Variants in RFX3 observed in about 807,000 individuals in gnomAD.
RFX3 encodes regulatory factor X3.
Under a neutral mutation model 98.6 loss-of-function variants are expected in RFX3, and 14 were observed. That is an observed-to-expected ratio of 0.14 (90% CI 0.09 to 0.22). RFX3 has a LOEUF of 0.22. RFX3 is among the 10% of genes least tolerant of loss of function. The pLI is 1.00. For synonymous variants in RFX3, 383 were observed against 328.4 expected (o/e 1.17, Z -1.80); for missense variants, 639 against 926.9 (o/e 0.69, Z 4.03).
chr9:3,343,831 C>T, intron 3 of RFX3, among the ~76,000 whole-genome samples: 1 of 152,228 alleles, frequency 6.6e-6, no homozygotes, highest in East Asian at 1.9e-4. Context: ...TCCACACAGA[C>T]CAGATCAAAG....
intron 1 of RFX3, among the ~76,000 whole-genome samples, chr9:3,519,059 A>T (rs1441823068): frequency 1.3e-5 from 2 of 152,208 alleles, no homozygotes; most frequent in Admixed American, 6.5e-5. Context: ...ACTGTTTTCA[A>T]ATAATTCATG....
intron 1 of RFX3, among the ~76,000 whole-genome samples, chr9:3,442,306 A>G (rs959437608): frequency 2.0e-5 from 3 of 152,128 alleles, no homozygotes; most frequent in Admixed American, 6.5e-5. Context: ...TATTGATACC[A>G]TATGATGTGA....
chr9:3,289,466 A>C (rs1199454750), intron 6 of RFX3, among the ~76,000 whole-genome samples: 1 of 152,134 alleles, frequency 6.6e-6, no homozygotes. Flanking sequence ...TGGTGCAATA[A>C]GCAAAACCAA....
chr9:3,517,647 G>C (rs762202656), intron 1 of RFX3, among the ~76,000 whole-genome samples: 1 of 152,214 alleles, frequency 6.6e-6, no homozygotes, highest in African/African-American at 2.4e-5. Context: ...ACAACAGCAG[G>C]CATCTGTGAT....
rs537469226 is a variant in RFX3, at chr9:3,349,975, G to A, written c.118-3211C>T. ...GGATAAAAATATAATAAGCAAAACC[G>A]AAGACAAATGAGCATCCAAAACTTT... On this transcript the variant is annotated intron_variant, in intron 2 of 16. Coordinates refer to ENST00000617270, the MANE Select transcript of RFX3 (RefSeq NM_001282116.2). Among the ~76,000 whole-genome samples the A allele has an allele frequency of 3.0e-4, 45 of 151,984 alleles. No homozygotes were observed. In the South Asian group the frequency reaches 6.4e-3, roughly 22 times the overall value.
rs559018504 is a variant in RFX3, at chr9:3,342,708, T to C, written c.215+3959A>G. Among the ~76,000 whole-genome samples, 3 of 152,228 alleles carry C rather than the reference T, an allele frequency of 2.0e-5. No homozygotes were observed. The East Asian group carries it at 5.8e-4, about 29-fold the overall frequency. ...CTTAGCTACACCAAGAAATTTCCAT[T>C]GAAATGAACTCTCTCTACATGGTAT... is the stretch of plus-strand genomic sequence containing the variant. On this transcript the variant is annotated intron_variant, in intron 3 of 16. Transcript: ENST00000617270.
intron 1 of RFX3, among the ~76,000 whole-genome samples, chr9:3,492,542 T>C (rs548070592): frequency 1.8e-4 from 28 of 152,324 alleles, no homozygotes; most frequent in African/African-American, 5.1e-4. Flanking sequence ...TTCTTGACTA[T>C]ACTCCTCATG....
chr9:3,304,047 T>G (rs927585337), intron 4 of RFX3, among the ~76,000 whole-genome samples: 3 of 152,014 alleles, frequency 2.0e-5, no homozygotes, highest in Non-Finnish European at 4.4e-5. Context: ...ACTGAGTTCT[T>G]CTACAAGGAA....
chr9:3,310,031 C>A (rs1002123442), intron 4 of RFX3, among the ~76,000 whole-genome samples: 1 of 152,150 alleles, frequency 6.6e-6, no homozygotes, highest in Non-Finnish European at 1.5e-5. Context: ...AGGGTGTGAT[C>A]CTGAACAGTG....
chr9:3,227,674 G>A (rs1345283295), intron 16 of RFX3, among the ~76,000 whole-genome samples: 1 of 152,152 alleles, frequency 6.6e-6, no homozygotes, highest in African/African-American at 2.4e-5. Context: ...TTTGGTGTGA[G>A]TATATCATCA....
At chr9:3,480,564 C>A (rs1448539214) in intron 1 of RFX3, among the ~76,000 whole-genome samples, 1 of 152,164 alleles carries the variant, frequency 6.6e-6, no homozygotes, top group Non-Finnish European at 1.5e-5. Context: ...GTTCAGATGA[C>A]TGGAATGGAC....
At chr9:3,250,141 G>C (rs893066229) in intron 14 of RFX3, among the ~76,000 whole-genome samples, 6 of 151,672 alleles carry the variant, frequency 4.0e-5, no homozygotes, top group African/African-American at 1.2e-4. Flanking sequence ...TTTTAAAGCA[G>C]TGAATCACTT....
intron 15 of RFX3, among the ~76,000 whole-genome samples, chr9:3,245,644 C>A (rs187780531): frequency 1.7e-4 from 26 of 152,202 alleles, no homozygotes; most frequent in African/African-American, 5.1e-4. Flanking sequence ...AGGATCGTGG[C>A]GCCATTTACT....
At chr9:3,458,024 G>T (rs1847348576) in intron 1 of RFX3, among the ~76,000 whole-genome samples, 1 of 152,138 alleles carries the variant, frequency 6.6e-6, no homozygotes, top group Admixed American at 6.6e-5. Context: ...TCTGAGTTGA[G>T]TCGTGAGGAA....
chr9:3,288,789 G>C (rs112416526), intron 6 of RFX3, among the ~76,000 whole-genome samples: 2 of 152,054 alleles, frequency 1.3e-5, no homozygotes, highest in Non-Finnish European at 2.9e-5. Context: ...AAATGTTGTG[G>C]TAAAGACTTA....
intron 15 of RFX3, among the ~76,000 whole-genome samples, chr9:3,243,761 G>A (rs188767393): frequency 6.6e-6 from 1 of 152,260 alleles, no homozygotes; most frequent in Admixed American, 6.5e-5. Context: ...GCAAGCACCT[G>A]TAAAGGCAAA....
At chr9:3,263,490 G>C (rs551019856) in intron 12 of RFX3, among the ~76,000 whole-genome samples, 1 of 152,194 alleles carries the variant, frequency 6.6e-6, no homozygotes, top group South Asian at 2.1e-4. Flanking sequence ...GGGATGTGCA[G>C]TTTGCCCTTT....
At chr9:3,391,254 T>C (rs1308831225) in intron 2 of RFX3, among the ~76,000 whole-genome samples, 2 of 152,082 alleles carry the variant, frequency 1.3e-5, no homozygotes, top group African/African-American at 4.8e-5. Flanking sequence ...TTATCAGTTA[T>C]AGACAATTTA....
At chr9:3,338,533 A>G (rs1000307134) in intron 3 of RFX3, among the ~76,000 whole-genome samples, 1 of 152,196 alleles carries the variant, frequency 6.6e-6, no homozygotes, top group African/African-American at 2.4e-5. Context: ...TTATTTCTGT[A>G]TGGTAGAACA....
Sources: allele counts gnomAD v4.1 joint callset (sites outside exome capture counted in the v4.1 genomes callset), GRCh38; gene constraint gnomAD v4.1.1; transcripts MANE v1.5; gene names NCBI Gene and HGNC (gene_info 2026-07-23, HGNC 2026-07-21).